The following WDR33 variants were observed in gnomAD, a reference collection of about 807,000 sequenced individuals.
WDR33 encodes the protein pre-mRNA 3' end processing protein WDR33.
WDR33 carries 47 observed loss-of-function variants against 164.9 expected under a neutral mutation model. The observed-to-expected ratio is 0.29, with a 90% CI of 0.23 to 0.36. The LOEUF is 0.36. WDR33 is among the 10% of genes least tolerant of loss of function. The pLI is 1.00. For missense variants in WDR33, 1,137 were observed against 1,754.1 expected (o/e 0.65, Z 6.28); for synonymous variants, 505 against 589.0 (o/e 0.86, Z 2.06).
rs185756912 is a variant in WDR33 at position 127,809,632 on chromosome 2, C to G, written c.-24+1380G>C. Among the ~76,000 whole-genome samples, 499 of 151,986 alleles carry G rather than the reference C, an allele frequency of 3.3e-3. 4 individuals are homozygous for G. The highest frequency in any genetic ancestry group is 0.029 in the East Asian group (151 of 5,158). Reference sequence around the variant, plus strand: ...TGTATTTTTAGTAGAGACGGGGTTCCGCCATGTTGGTCAGGCTGGTCTCGA... The same window carrying G: ...TGTATTTTTAGTAGAGACGGGGTTCGGCCATGTTGGTCAGGCTGGTCTCGA... On this transcript the variant is annotated intron_variant, in intron 1 of 21. Coordinates refer to ENST00000322313, the MANE Select transcript of WDR33 (RefSeq NM_018383.5).
chr2:127,785,421 T>C (rs2105467531), intron 1 of WDR33, among the ~76,000 whole-genome samples: 1 of 152,354 alleles, frequency 6.6e-6, no homozygotes, highest in African/African-American at 2.4e-5. Context: ...TAATGACATG[T>C]ATCCACACAG....
At chr2:127,758,653 G>C (rs750724785) in intron 7 of WDR33, among the ~76,000 whole-genome samples, 34 of 152,124 alleles carry the variant, frequency 2.2e-4, no homozygotes, top group Non-Finnish European at 4.9e-4. Context: ...GAGGCTGTGG[G>C]AGAAAATTAA....
intron 1 of WDR33, among the ~76,000 whole-genome samples, chr2:127,786,870 T>C (rs893519271): frequency 9.1e-5 from 13 of 142,326 alleles, no homozygotes; most frequent in African/African-American, 3.3e-4. Context: ...TTTTAATTTA[T>C]TTTTTTATTG....
At chr2:127,762,553 A>G in intron 7 of WDR33, 1 of 982,984 alleles carries the variant, frequency 1.0e-6, no homozygotes, top group Non-Finnish European at 1.2e-6. Flanking sequence ...GTAAACAAGC[A>G]GCAATGCCAC....
rs71307275 is a variant in WDR33, at chr2:127,740,346, T to TACACAC, written c.725-13575_725-13570dup. ...ACTTTGGGAGGGATTTGTATTTCTC[T>TACACAC]ACACACACACACACACACACACACA... On this transcript the variant is annotated intron_variant, in intron 7 of 21. Coordinates refer to ENST00000322313, the MANE Select transcript of WDR33 (RefSeq NM_018383.5). Among the ~76,000 whole-genome samples the TACACAC allele has an allele frequency of 5.3e-3, 799 of 149,774 alleles. 7 individuals carry two copies. The highest frequency in any genetic ancestry group is 0.015 in the African/African-American group (600 of 40,996).
chr2:127,732,903 T>C (rs745788592), intron 7 of WDR33, among the ~76,000 whole-genome samples: 1 of 152,210 alleles, frequency 6.6e-6, no homozygotes, highest in Non-Finnish European at 1.5e-5. Flanking sequence ...AATGCCTCTA[T>C]ACTAAATTTG....
chr2:127,771,540 G>A (rs536308677), intron 1 of WDR33, among the ~76,000 whole-genome samples: 1 of 152,266 alleles, frequency 6.6e-6, no homozygotes, highest in Non-Finnish European at 1.5e-5. Context: ...AAAGACTACG[G>A]TCAAGGCGGA....
intron 1 of WDR33, among the ~76,000 whole-genome samples, chr2:127,805,165 CCT>C (rs1689392229): frequency 6.7e-6 from 1 of 148,974 alleles, no homozygotes; most frequent in South Asian, 2.1e-4. Context: ...GCAGCCTCCA[CCT>C]CTCTGGCTCA....
At position 127,708,851 on chromosome 2, in the gene WDR33, G is replaced by A. The variant is rs1248059596; in HGVS notation, c.3607C>T (p.His1203Tyr). The A allele has an allele frequency of 2.5e-6, 4 of 1,608,732 alleles. No homozygotes were observed. The highest frequency in any genetic ancestry group is 3.4e-6 in the Non-Finnish European group (4 of 1,176,856). The part of the protein sequence containing the change: ...EHFRDTPRPD[H>Y]PPHDGHSPAS... The stretch of plus-strand genomic sequence containing the variant: ...GGGGAATGACCGTCGTGAGGGGGAT[G>A]ATCAGGGCGGGGAGTATCACGAAAA... Residue 1203 changes from histidine (H) to tyrosine (Y), a missense_variant, in exon 21 of 22, where the codon CAT becomes TAT. Transcript: ENST00000322313. This position sits in a 1 kb window ranked among gnomAD's most constrained non-coding sequence, Gnocchi z 6.7.
chr2:127,732,944 T>C (rs1372782025), intron 7 of WDR33, among the ~76,000 whole-genome samples: 11 of 152,220 alleles, frequency 7.2e-5, no homozygotes, highest in Admixed American at 7.2e-4. Flanking sequence ...CAGAATTTCA[T>C]GATACAATCA....
At position 127,726,929 on chromosome 2, in the gene WDR33, G is replaced by A; in HGVS notation, c.725-152C>T. ...AAGACTCTTTGGCCTCTGTGTGTCT[G>A]GAAATTTTTCAGATACAGTATCCTC... On this transcript the variant is annotated intron_variant, in intron 7 of 21. Transcript: ENST00000322313. The surrounding 1 kb of genome is among the most constrained non-coding windows in gnomAD (Gnocchi z 4.8). The A allele has an allele frequency of 3.0e-6, 3 of 988,662 alleles. No homozygotes were observed. Among genetic ancestry groups the A allele is most frequent in the Non-Finnish European group, 4.4e-6 (3 of 686,256 alleles). The allele number at this position is 988,662 out of a possible 1,614,324, so 61.2% of individuals were successfully genotyped here.
chr2:127,702,087 C>G lies in WDR33; in HGVS notation c.*4236G>C, dbSNP rs1328615260. On this transcript the variant is annotated 3_prime_UTR_variant, in exon 22 of 22. Transcript: ENST00000322313. Reference sequence around the variant, plus strand: ...CGCGCTGCTGGCCGCGCTGGTTGGGCTGCTGCCCTGGGGCGGCGGCACCGC... The same window carrying G: ...CGCGCTGCTGGCCGCGCTGGTTGGGGTGCTGCCCTGGGGCGGCGGCACCGC... The G allele has an allele frequency of 9.8e-6, 12 of 1,223,340 alleles. No homozygotes were observed. The highest frequency in any genetic ancestry group is 1.1e-5 in the Non-Finnish European group (11 of 985,178). 75.8% of individuals were successfully genotyped at this position (1,223,340 alleles called of 1,614,324 possible).
At chr2:127,774,016 C>T (rs531785784) in intron 1 of WDR33, among the ~76,000 whole-genome samples, 1 of 147,926 alleles carries the variant, frequency 6.8e-6, no homozygotes, top group South Asian at 2.2e-4. Context: ...GCTGGGATTA[C>T]AGGCATGAGC....
At chr2:127,798,366 G>GC (rs1343904841) in intron 1 of WDR33, among the ~76,000 whole-genome samples, 21 of 25,614 alleles carry the variant, frequency 8.2e-4, no homozygotes, top group Non-Finnish European at 1.2e-3. Context: ...AGACACCGTC[G>GC]CAAAAAAAAA....
rs1686827760 is a variant in WDR33 at position 127,735,927 on chromosome 2, G to C, written c.725-9150C>G. ...AAAGTTACATCAGTGAAAAACTATA[G>C]AATTAAATGGAAAGTTAATTCTGGA... On this transcript the variant is annotated intron_variant, in intron 7 of 21. Transcript: ENST00000322313. The surrounding 1 kb of genome is among the most constrained non-coding windows in gnomAD (Gnocchi z 4.3). 1.0e-6 allele frequency: 1 copy of C among 985,396 alleles called. No homozygotes were observed. Among genetic ancestry groups the C allele is most frequent in the African/African-American group, 1.7e-5 (1 of 57,332 alleles). 61.0% of individuals were successfully genotyped at this position (985,396 alleles called of 1,614,324 possible).
chr2:127,706,055 T>TA lies in WDR33; in HGVS notation c.*267dup, dbSNP rs570651272. On this transcript the variant is annotated 3_prime_UTR_variant, in exon 22 of 22. Transcript: ENST00000322313. This position sits in a 1 kb window ranked among gnomAD's most constrained non-coding sequence, Gnocchi z 5.1. Reference sequence around the variant, plus strand: ...GAGATGCCCCATGTCTTGTGAGACTTAAAAAAAAGAAAAAGATCCCAGCTT... The same window carrying TA: ...GAGATGCCCCATGTCTTGTGAGACTTAAAAAAAAAGAAAAAGATCCCAGCTT... 5.8e-5 allele frequency: 22 copies of TA among 376,882 alleles called. No homozygotes were observed. The highest frequency in any genetic ancestry group is 1.4e-4 in the South Asian group (1 of 6,934). 23.3% of individuals were successfully genotyped at this position (376,882 alleles called of 1,614,324 possible).
Position 127,723,222 on chromosome 2 carries a change from T to C in WDR33, c.1291+31A>G. On this transcript the variant is annotated intron_variant, in intron 12 of 21. Coordinates refer to ENST00000322313, the MANE Select transcript of WDR33 (RefSeq NM_018383.5). The surrounding 1 kb of genome is among the most constrained non-coding windows in gnomAD (Gnocchi z 5.9). ...CACTTCTGTAATAGAATACCAGATT[T>C]CAAAGAAGGACAGATGTGCAAGAGT... 6.3e-7 allele frequency: 1 copy of C among 1,588,226 alleles called. No individual in the cohort carries two copies. Among genetic ancestry groups the C allele is most frequent in the Non-Finnish European group, 8.6e-7 (1 of 1,163,140 alleles).
chr2:127,730,665 TACATAC>T (rs146647456), intron 7 of WDR33, among the ~76,000 whole-genome samples: 22,149 of 152,088 alleles, frequency 0.15, 1,819 homozygotes, highest in Middle Eastern at 0.23. Flanking sequence ...ACTATACATA[TACATAC>T]ACATTTTTAT....
rs767940612 is a variant in WDR33, at chr2:127,764,671, T to G, written c.626+157A>C. The G allele has an allele frequency of 2.5e-6, 4 of 1,579,918 alleles. No individual in the cohort carries two copies. The South Asian group carries it at 3.4e-5, about 14-fold the overall frequency. ...CTTCAGAAAGGTGCCAGCAAAATGGTGAATGTGTGAAAACAAAGAAAAATA... is the reference window on the plus strand; with the variant it reads ...CTTCAGAAAGGTGCCAGCAAAATGGGGAATGTGTGAAAACAAAGAAAAATA... On this transcript the variant is annotated intron_variant, in intron 6 of 21. Transcript: ENST00000322313. This position sits in a 1 kb window ranked among gnomAD's most constrained non-coding sequence, Gnocchi z 6.2.
Sources: allele counts gnomAD v4.1 joint callset (sites outside exome capture counted in the v4.1 genomes callset), GRCh38; gene constraint gnomAD v4.1.1; non-coding constraint Gnocchi (gnomAD v3.1); transcripts MANE v1.5; gene names NCBI Gene and HGNC (gene_info 2026-07-23, HGNC 2026-07-21).